Variants in ABI2 observed in about 807,000 individuals in gnomAD.
ABI2 encodes abl interactor 2.
A neutral mutation model predicts 59.2 loss-of-function variants in ABI2; 25 were observed. The ratio of observed to expected loss-of-function variants is 0.42; its 90% CI spans 0.31 to 0.59. The LOEUF (loss-of-function observed/expected upper bound fraction) is 0.59. ABI2 is among the 20% of genes least tolerant of loss of function. The pLI is 0.14. For synonymous variants in ABI2, 213 were observed against 235.5 expected (o/e 0.90, Z 0.87); for missense variants, 545 against 681.8 (o/e 0.80, Z 2.23).
intron 9 of ABI2, among the ~76,000 whole-genome samples, chr2:203,410,797 A>G (rs2097638118): frequency 6.6e-6 from 1 of 152,158 alleles, no homozygotes; most frequent in South Asian, 2.1e-4. Flanking sequence ...GTATCCATTT[A>G]GAGTGTTGGG....
rs186507590 is a variant in ABI2, at chr2:203,399,294, A to G, written c.1033+2327A>G. On this transcript the variant is annotated intron_variant, in intron 8 of 11. Coordinates refer to ENST00000261018, the MANE Select transcript of ABI2 (RefSeq NM_001375670.1). ...TTGGATTTGCATTTTCTTAATGACTAATGATATTGAACATTTTTTTCATGT... is the reference window on the plus strand; with the variant it reads ...TTGGATTTGCATTTTCTTAATGACTGATGATATTGAACATTTTTTTCATGT... 3.9e-3 allele frequency among the ~76,000 whole-genome samples: 591 copies of G among 152,236 alleles called. 5 individuals are homozygous for G. The highest frequency in any genetic ancestry group is 6.4e-3 in the Non-Finnish European group (433 of 68,026).
intron 1 of ABI2, among the ~76,000 whole-genome samples, chr2:203,359,110 T>C (rs1049305427): frequency 6.6e-6 from 1 of 152,212 alleles, no homozygotes; most frequent in African/African-American, 2.4e-5. Context: ...GCAAATGTAT[T>C]GGAATTTCCT....
chr2:203,395,567 G>A, intron 6 of ABI2, 89 bp from the exon 7 acceptor site: 1 of 1,371,302 alleles, frequency 7.3e-7, no homozygotes, highest in Non-Finnish European at 9.8e-7. Context: ...CTTTATTGTA[G>A]CTACATTCAT....
intron 1 of ABI2, among the ~76,000 whole-genome samples, chr2:203,347,777 GTGT>G (rs986773549): frequency 7.2e-5 from 11 of 152,204 alleles, no homozygotes; most frequent in African/African-American, 2.2e-4. Context: ...TAGTTATTGG[GTGT>G]TGTTAATGGC....
At chr2:203,331,094 A>G (rs2073018458) in intron 1 of ABI2, among the ~76,000 whole-genome samples, 2 of 152,148 alleles carry the variant, frequency 1.3e-5, no homozygotes, top group African/African-American at 4.8e-5. Context: ...TCTGAAGTAT[A>G]TTTTACACTT....
chr2:203,389,850 A>C (rs565164961), intron 4 of ABI2, among the ~76,000 whole-genome samples: 1 of 152,334 alleles, frequency 6.6e-6, no homozygotes, highest in East Asian at 1.9e-4. Context: ...TATAAGTGCT[A>C]ACATACTCCT....
At chr2:203,378,494 G>T (rs529386222) in intron 2 of ABI2, among the ~76,000 whole-genome samples, 2 of 152,212 alleles carry the variant, frequency 1.3e-5, no homozygotes, top group Admixed American at 1.3e-4. Flanking sequence ...TTATACATTC[G>T]TTAGCTCTGG....
intron 5 of ABI2, chr2:203,394,438 C>A: frequency 2.4e-6 from 1 of 410,070 alleles, no homozygotes; most frequent in Non-Finnish European, 4.4e-6. Context: ...TGGTAGAGAA[C>A]CTTTGTGCTC....
At chr2:203,394,890 A>G in intron 6 of ABI2, 44 bp downstream of exon 6, 1 of 1,600,626 alleles carries the variant, frequency 6.2e-7, no homozygotes. Flanking sequence ...TCATAGTACC[A>G]TAATCTGTTC....
At chr2:203,423,561 GAC>G (rs1232070977) in intron 11 of ABI2, among the ~76,000 whole-genome samples, 2 of 152,188 alleles carry the variant, frequency 1.3e-5, no homozygotes, top group Non-Finnish European at 2.9e-5. Flanking sequence ...GAGTAGCTGG[GAC>G]TACAGGCGCC....
chr2:203,384,302 T>TTTTGTTTTG (rs1559289413), intron 4 of ABI2, among the ~76,000 whole-genome samples: 16 of 59,706 alleles, frequency 2.7e-4, no homozygotes, highest in African/African-American at 1.0e-3. Flanking sequence ...TTTTTTTTTT[T>TTTTGTTTTG]TTTTTTTTTT....
Position 203,393,151 on chromosome 2 carries a change from T to C in ABI2, c.579-1549T>C, listed in dbSNP as rs181274774. 1.5e-4 allele frequency among the ~76,000 whole-genome samples: 23 copies of C among 152,344 alleles called. No homozygotes were observed. In the East Asian group the frequency reaches 4.4e-3, roughly 29 times the overall value. The stretch of plus-strand genomic sequence containing the variant: ...TCTGTGCCCAGGCAATTCTCTTGCC[T>C]CCAGGCGATTCTCCTGCTTCAGCCT... On this transcript the variant is annotated intron_variant, in intron 5 of 11. Transcript: ENST00000261018.
At chr2:203,392,314 CCAA>C (rs150870167) in intron 5 of ABI2, among the ~76,000 whole-genome samples, 2,063 of 123,232 alleles carry the variant, frequency 0.017, 66 homozygotes, top group African/African-American at 0.052. Context: ...ACCACCACCA[CCAA>C]CAACAACAAC....
At chr2:203,372,812 C>T (rs74603926) in intron 2 of ABI2, among the ~76,000 whole-genome samples, 109,242 of 149,654 alleles carry the variant, frequency 0.73, 41,004 homozygotes, top group Middle Eastern at 0.86. Flanking sequence ...CGGGCAGAGA[C>T]GCTCCTCACC....
chr2:203,381,444 G>T (rs1442396173), intron 3 of ABI2, among the ~76,000 whole-genome samples: 1 of 152,078 alleles, frequency 6.6e-6, no homozygotes, highest in Non-Finnish European at 1.5e-5. Flanking sequence ...TAAATTTTTT[G>T]TTTGTAGTGA....
intron 9 of ABI2, among the ~76,000 whole-genome samples, chr2:203,410,473 T>C (rs1298490796): frequency 2.6e-5 from 4 of 152,190 alleles, no homozygotes; most frequent in Admixed American, 6.5e-5. Flanking sequence ...CAATTATATA[T>C]GTTAAACATC....
At chr2:203,351,458 A>G in intron 1 of ABI2, 1 of 388,054 alleles carries the variant, frequency 2.6e-6, no homozygotes, top group Non-Finnish European at 4.9e-6. Flanking sequence ...TTTCTGATCC[A>G]TGAACATGGA....
chr2:203,371,925 TTTTA>T (rs1337446938), intron 2 of ABI2, among the ~76,000 whole-genome samples: 1 of 151,780 alleles, frequency 6.6e-6, no homozygotes, highest in African/African-American at 2.4e-5. Flanking sequence ...TTTATTTTTA[TTTTA>T]TTTATTTATT....
chr2:203,382,108 C>A, intron 3 of ABI2, 81 bp from the exon 4 acceptor site: 2 of 1,206,770 alleles, frequency 1.7e-6, no homozygotes, highest in Non-Finnish European at 2.3e-6. Context: ...TTTTTCCTTT[C>A]TCTTCACATC....
Sources: gnomAD v4.1 joint callset for allele counts (sites outside exome capture counted in the v4.1 genomes callset) on GRCh38, gnomAD v4.1.1 for gene constraint, MANE v1.5 for transcripts, NCBI Gene and HGNC (gene_info 2026-07-23, HGNC 2026-07-21) for gene names.